Variants in SIN3A observed in about 807,000 individuals in gnomAD.
The protein encoded by SIN3A is paired amphipathic helix protein Sin3a.
In SIN3A, 14 loss-of-function variants were observed where a neutral mutation model predicts 146.1. The ratio of observed to expected loss-of-function variants is 0.10; its 90% CI spans 0.06 to 0.15. The LOEUF is 0.15. SIN3A is among the 10% of genes least tolerant of loss of function. The pLI is 1.00. For missense variants in SIN3A, 1,028 were observed against 1,576.0 expected (o/e 0.65, Z 5.89); for synonymous variants, 572 against 572.0 (o/e 1.00, Z 0.00).
chr15:75,385,434 C>T (rs1376024458), intron 16 of SIN3A, among the ~76,000 whole-genome samples: 1 of 152,164 alleles, frequency 6.6e-6, no homozygotes. Flanking sequence ...ACAGGCCAAT[C>T]ATGATTGACT....
intron 2 of SIN3A, among the ~76,000 whole-genome samples, chr15:75,423,282 AAAAG>A (rs904674502): frequency 6.6e-6 from 1 of 152,192 alleles, no homozygotes; most frequent in Admixed American, 6.5e-5. Flanking sequence ...TCTCTAAAAA[AAAAG>A]AAAGAAAAGA....
rs1360306206 is a variant in SIN3A, at chr15:75,389,699, A to C, written c.2974T>G (p.Tyr992Asp). 6.2e-7 allele frequency: 1 copy of C among 1,614,134 alleles called. No homozygotes were observed. The highest frequency in any genetic ancestry group is 8.5e-7 in the Non-Finnish European group (1 of 1,179,994). ...AGTTTGTCCATGGTAAAGGCAATGT[A>C]GGCATGAATGGTGAACATCTCTCTC... ...SLREMFTIHAYIAFTMDKLIQ... is the reference protein window; with the variant it reads ...SLREMFTIHADIAFTMDKLIQ... Residue 992 changes from tyrosine (Y) to aspartate (D), a missense_variant, in exon 16 of 21, where the codon TAC becomes GAC. Around this residue, in one of 9 missense-constraint regions of SIN3A, gnomAD observed 488 missense variants for 690.2 expected, o/e 0.71. Transcript: ENST00000394947.
chr15:75,406,535 A>T (rs2073519050), intron 9 of SIN3A, among the ~76,000 whole-genome samples: 1 of 152,118 alleles, frequency 6.6e-6, no homozygotes, highest in African/African-American at 2.4e-5. Context: ...AAAATACAAA[A>T]AATTAGCCGG....
Position 75,371,460 on chromosome 15 carries a change from A to G in SIN3A, c.*519T>C, listed in dbSNP as rs2072749956. The G allele has an allele frequency of 6.5e-6, 1 of 152,944 alleles. No individual in the cohort carries two copies. The highest frequency in any genetic ancestry group is 2.4e-5 in the African/African-American group (1 of 41,458). 9.5% of individuals were successfully genotyped at this position (152,944 alleles called of 1,614,324 possible). A position where few individuals can be genotyped will look rare whatever the true frequency, so the allele number is the denominator to read the frequency against. Reference sequence around the variant, plus strand: ...CAGATAAAACCTAATGGGTGATCTTAGATGTGCTCGAGTGACCAGAAAAAA... The same window carrying G: ...CAGATAAAACCTAATGGGTGATCTTGGATGTGCTCGAGTGACCAGAAAAAA... On this transcript the variant is annotated 3_prime_UTR_variant, in exon 21 of 21. Transcript: ENST00000394947.
chr15:75,424,465 C>T (rs547921581), intron 2 of SIN3A, among the ~76,000 whole-genome samples: 5 of 152,128 alleles, frequency 3.3e-5, no homozygotes, highest in East Asian at 3.9e-4. Flanking sequence ...TACATAAACC[C>T]GTAATTTTTT....
At chr15:75,427,473 A>G (rs1252076112) in intron 2 of SIN3A, among the ~76,000 whole-genome samples, 1 of 152,102 alleles carries the variant, frequency 6.6e-6, no homozygotes, top group Non-Finnish European at 1.5e-5. Flanking sequence ...CAGCCTGGCC[A>G]GCACAGCGAA....
chr15:75,384,437 G>C lies in SIN3A; in HGVS notation c.3022C>G (p.Leu1008Val). ...ATCTCATCACTCACGATATGCTGCA[G>C]CTGGAAGCAAACAAAGGCAAGCTTT... ...DKLIQSIVRQLQHIVSDEICV... is the reference protein window; with the variant it reads ...DKLIQSIVRQVQHIVSDEICV... Residue 1008 changes from leucine (L) to valine (V), a missense_variant and splice_region_variant, in exon 17 of 21, where the codon CTG becomes GTG. By Grantham distance (32) the Leu-to-Val change is conservative. Around this residue, in one of 9 missense-constraint regions of SIN3A, gnomAD observed 488 missense variants for 690.2 expected, o/e 0.71. Transcript: ENST00000394947. The C allele has an allele frequency of 6.2e-7, 1 of 1,602,818 alleles. No individual in the cohort carries two copies.
At chr15:75,454,193 C>T (rs961118986), upstream of SIN3A, among the ~76,000 whole-genome samples, 5 of 152,134 alleles carry the variant, frequency 3.3e-5, no homozygotes, top group African/African-American at 1.2e-4. Flanking sequence ...TAAACTCCAG[C>T]CCGGCCTCCC....
chr15:75,393,330 C>G (rs576482812), intron 14 of SIN3A, among the ~76,000 whole-genome samples: 1 of 152,174 alleles, frequency 6.6e-6, no homozygotes, highest in African/African-American at 2.4e-5. Flanking sequence ...ATACAGGTAC[C>G]TTCTACACAC....
chr15:75,377,629 A>G (rs1174586373), intron 19 of SIN3A, among the ~76,000 whole-genome samples: 1 of 150,634 alleles, frequency 6.6e-6, no homozygotes, highest in African/African-American at 2.5e-5. Flanking sequence ...TGCCTCAAAA[A>G]AAAAAAAAGA....
At chr15:75,377,360 C>A (rs1383870722) in intron 19 of SIN3A, among the ~76,000 whole-genome samples, 1 of 152,136 alleles carries the variant, frequency 6.6e-6, no homozygotes, top group East Asian at 1.9e-4. Flanking sequence ...CACAGTGGCT[C>A]ATGCTTGTAA....
chr15:75,377,737 A>G (rs1324951378), intron 19 of SIN3A, among the ~76,000 whole-genome samples: 1 of 152,218 alleles, frequency 6.6e-6, no homozygotes, highest in African/African-American at 2.4e-5. Flanking sequence ...TGGGAACTAC[A>G]CATAAAGCAC....
intron 12 of SIN3A, among the ~76,000 whole-genome samples, chr15:75,398,249 TA>T (rs1480037240): frequency 6.6e-6 from 1 of 152,222 alleles, no homozygotes; most frequent in Non-Finnish European, 1.5e-5. Context: ...TTAAAAATGA[TA>T]ATGTAAACCA....
chr15:75,410,611 A>G (rs1190795927), intron 6 of SIN3A, among the ~76,000 whole-genome samples: 3 of 152,054 alleles, frequency 2.0e-5, no homozygotes, highest in South Asian at 4.2e-4. Context: ...CTAGGGCAAT[A>G]AATATTAATG....
chr15:75,424,650 CT>C (rs1313764360), intron 2 of SIN3A, among the ~76,000 whole-genome samples: 1 of 152,002 alleles, frequency 6.6e-6, no homozygotes, highest in African/African-American at 2.4e-5. Context: ...AATTGTCGTA[CT>C]TTTTGTAGAA....
chr15:75,372,225 A>T lies in SIN3A; in HGVS notation c.3592-16T>A, dbSNP rs2072764982. ...GCTCATGGGACTGCAAAACAGAAAA[A>T]AAAAATTTTATTAAATGAAGCAGAA... On this transcript the variant is annotated splice_polypyrimidine_tract_variant and intron_variant, in intron 20 of 20. Transcript: ENST00000394947. 1.3e-6 allele frequency: 2 copies of T among 1,525,244 alleles called. No individual in the cohort carries two copies. Among genetic ancestry groups the T allele is most frequent in the Non-Finnish European group, 1.8e-6 (2 of 1,131,720 alleles). The allele number at this position is 1,525,244 out of a possible 1,614,324, so 94.5% of individuals were successfully genotyped here. A position where few individuals can be genotyped will look rare whatever the true frequency, so the allele number is the denominator to read the frequency against.
intron 1 of SIN3A, among the ~76,000 whole-genome samples, chr15:75,448,702 T>C (rs2074350582): frequency 6.6e-6 from 1 of 152,178 alleles, no homozygotes; most frequent in South Asian, 2.1e-4. Flanking sequence ...TGAAAAGCAC[T>C]ATGCTAAACT....
chr15:75,391,965 T>C (rs568876987), intron 15 of SIN3A, among the ~76,000 whole-genome samples: 1 of 152,200 alleles, frequency 6.6e-6, no homozygotes, highest in Non-Finnish European at 1.5e-5. Flanking sequence ...AAATCTGCCA[T>C]TTGAGAAATT....
At chr15:75,417,652 T>TAC (rs796708381) in intron 3 of SIN3A, among the ~76,000 whole-genome samples, 31 of 152,248 alleles carry the variant, frequency 2.0e-4, no homozygotes, top group African/African-American at 7.2e-4. Context: ...GTGCTGGGAT[T>TAC]ACAGATGTGA....
Sources: gnomAD v4.1 joint callset for allele counts (sites outside exome capture counted in the v4.1 genomes callset) on GRCh38, gnomAD v4.1.1 for gene constraint, gnomAD v4.1.1 regional missense constraint, MANE v1.5 for transcripts, NCBI Gene and HGNC (gene_info 2026-07-23, HGNC 2026-07-21) for gene names.